CDC42: variants seen among roughly 807,000 people sequenced by gnomAD.
CDC42 encodes cell division cycle 42.
Under a neutral mutation model 20.8 loss-of-function variants are expected in CDC42, and 1 was observed. The observed-to-expected ratio is 0.05, with a 90% CI of 0.02 to 0.23. The LOEUF is 0.23. Among genes scored for constraint, CDC42 ranks in the 10% least tolerant of loss-of-function variants. The pLI, the probability that CDC42 is intolerant of heterozygous loss-of-function variation, is 1.00. For missense variants in CDC42, 49 were observed against 227.9 expected, an observed-to-expected ratio of 0.21 and a Z score of 5.05; for synonymous variants, 72 against 84.8, an observed-to-expected ratio of 0.85 and a Z score of 0.83.
intron 5 of CDC42, among the ~76,000 whole-genome samples, chr1:22,087,961 T>C (rs1194535228): frequency 1.3e-5 from 2 of 152,222 alleles, no homozygotes; most frequent in African/African-American, 2.4e-5. Flanking sequence ...TATGCTTAAC[T>C]GGGATATCCC....
At chr1:22,064,142 T>G (rs187050139) in intron 1 of CDC42, 18 of 152,212 alleles carry the variant, frequency 1.2e-4, no homozygotes, top group African/African-American at 4.1e-4. Flanking sequence ...AAGTATTTCC[T>G]TCTTTTTGGA....
intron 1 of CDC42, among the ~76,000 whole-genome samples, chr1:22,070,865 A>G (rs903922278): frequency 6.6e-6 from 1 of 152,078 alleles, no homozygotes; most frequent in African/African-American, 2.4e-5. Context: ...CAGCAGTAGG[A>G]TAGACACGTC....
chr1:22,071,818 A>G (rs1424689643), intron 1 of CDC42, among the ~76,000 whole-genome samples: 1 of 152,150 alleles, frequency 6.6e-6, no homozygotes, highest in Non-Finnish European at 1.5e-5. Context: ...AGGCAACTTT[A>G]CTTTTAGTGT....
At chr1:22,090,831 T>A in intron 5 of CDC42, 1 of 984,106 alleles carries the variant, frequency 1.0e-6, no homozygotes. Flanking sequence ...TTTATTCCTG[T>A]TGCACTGACT....
At chr1:22,061,340 G>A (rs1645360557) in intron 1 of CDC42, among the ~76,000 whole-genome samples, 3 of 150,834 alleles carry the variant, frequency 2.0e-5, no homozygotes, top group Non-Finnish European at 2.9e-5. Flanking sequence ...CCCGGGAGGT[G>A]GAGGTTTCAG....
intron 1 of CDC42, among the ~76,000 whole-genome samples, chr1:22,065,274 G>A (rs16826354): frequency 0.024 from 3,621 of 152,252 alleles, 59 homozygotes; most frequent in Non-Finnish European, 0.035. Context: ...AGGTTATTTC[G>A]TCTCTTAAAA....
chr1:22,081,624 A>T, intron 2 of CDC42, 98 bp from the exon 3 acceptor site: 1 of 739,842 alleles, frequency 1.4e-6, no homozygotes, highest in Non-Finnish European at 2.4e-6. Context: ...GGGACGATTA[A>T]GTCTTAGCAA....
intron 5 of CDC42, chr1:22,090,714 A>G (rs1645707287): frequency 2.0e-6 from 2 of 985,194 alleles, no homozygotes; most frequent in Non-Finnish European, 2.4e-6. Context: ...TGCCACCTTT[A>G]TATTTTCCTG....
chr1:22,057,729 T>C (rs1250560301), intron 1 of CDC42, among the ~76,000 whole-genome samples: 1 of 151,786 alleles, frequency 6.6e-6, no homozygotes, highest in Non-Finnish European at 1.5e-5. Flanking sequence ...CCTTTTTTTT[T>C]TCTTTTTTTT....
chr1:22,083,528 C>T (rs1645629656), intron 3 of CDC42, among the ~76,000 whole-genome samples: 2 of 152,026 alleles, frequency 1.3e-5, no homozygotes, highest in East Asian at 3.9e-4. Context: ...TTGCTTGAAC[C>T]CAGGGGGCGG....
intron 1 of CDC42, among the ~76,000 whole-genome samples, chr1:22,071,442 CAGTT>C (rs1645491466): frequency 6.6e-6 from 1 of 152,188 alleles, no homozygotes; most frequent in African/African-American, 2.4e-5. Flanking sequence ...GCAAACAAGA[CAGTT>C]TGTTAGCACA....
chr1:22,070,637 T>C (rs933982201), intron 1 of CDC42, among the ~76,000 whole-genome samples: 1 of 151,826 alleles, frequency 6.6e-6, no homozygotes, highest in African/African-American at 2.4e-5. Flanking sequence ...CTGATTTTTT[T>C]GTATTTTTAA....
Position 22,086,491 on chromosome 1 carries a change from A to G in CDC42, c.231A>G (p.Val77=), listed in dbSNP as rs529807426. ...CGCTGAGTTATCCACAAACAGATGTATTTCTAGTCTGTTTTTCAGTGGTCT... is the reference window on the plus strand; with the variant it reads ...CGCTGAGTTATCCACAAACAGATGTGTTTCTAGTCTGTTTTTCAGTGGTCT... ...LRPLSYPQTD[V]FLVCFSVVSP... is the part of the protein sequence containing the mutation. Residue 77 remains valine, a synonymous_variant, in exon 4 of 6, where the codon GTA becomes GTG. Transcript: ENST00000656825. 6.2e-6 allele frequency: 10 copies of G among 1,609,444 alleles called. No individual in the cohort carries two copies. The African/African-American group carries it at 1.2e-4, about 19-fold the overall frequency.
In CDC42 at chr1:22,096,271, C is replaced by T. The variant is rs953057570; in HGVS notation, c.*4754C>T. Among the ~76,000 whole-genome samples, 3 of 146,244 alleles carry T rather than the reference C, an allele frequency of 2.1e-5. No homozygotes were observed. The highest frequency in any genetic ancestry group is 7.7e-5 in the African/African-American group (3 of 38,986). On this transcript the variant is annotated 3_prime_UTR_variant, in exon 6 of 6. Transcript: ENST00000656825. ...ACTGCGCCCGGCCTATTCATTCATT[C>T]TTACAGTGAATTAGTAAATTCAACA... is the stretch of plus-strand genomic sequence containing the variant.
intron 1 of CDC42, chr1:22,053,509 GT>G (rs1487762204): frequency 5.3e-5 from 8 of 152,212 alleles, no homozygotes; most frequent in African/African-American, 1.4e-4. Flanking sequence ...CTTTCGGGGA[GT>G]TACCTAACTA....
rs1351890106 is a variant in CDC42, at chr1:22,096,836, T to C, written c.*5319T>C. Among the ~76,000 whole-genome samples the C allele has an allele frequency of 6.6e-6, 1 of 152,272 alleles. No individual in the cohort carries two copies. The highest frequency in any genetic ancestry group is 2.4e-5 in the African/African-American group (1 of 41,474). On this transcript the variant is annotated 3_prime_UTR_variant, in exon 6 of 6. Coordinates refer to ENST00000656825, the MANE Select transcript of CDC42 (RefSeq NM_001791.4). The stretch of plus-strand genomic sequence containing the variant: ...AGCAAGGCATTTGGTTGCTACCTGC[T>C]AGAACTGTTACAGTAAATACACAGA...
At position 22,098,027 on chromosome 1, in the gene CDC42, T is replaced by C. The variant is rs1645768515; in HGVS notation, c.*6510T>C. Among the ~76,000 whole-genome samples, 1 of 152,162 alleles carries C rather than the reference T, an allele frequency of 6.6e-6. No homozygotes were observed. Among genetic ancestry groups the C allele is most frequent in the African/African-American group, 2.4e-5 (1 of 41,432 alleles). On this transcript the variant is annotated 3_prime_UTR_variant, in exon 6 of 6. Coordinates refer to ENST00000656825, the MANE Select transcript of CDC42 (RefSeq NM_001791.4). Reference sequence around the variant, plus strand: ...AGAGCACAGGATCATAACTGTTCTGTTTGCTCTGATGCGTCCCGCAGAGCA... The same window carrying C: ...AGAGCACAGGATCATAACTGTTCTGCTTGCTCTGATGCGTCCCGCAGAGCA...
chr1:22,063,845 C>T (rs866527645), intron 1 of CDC42, among the ~76,000 whole-genome samples: 2 of 151,958 alleles, frequency 1.3e-5, no homozygotes, highest in African/African-American at 4.8e-5. Flanking sequence ...CTCAGCCTCC[C>T]GAGTAGCTGG....
intron 3 of CDC42, among the ~76,000 whole-genome samples, chr1:22,082,867 C>T (rs1645622149): frequency 7.5e-6 from 1 of 133,764 alleles, no homozygotes; most frequent in Non-Finnish European, 1.5e-5. Flanking sequence ...TCCAAAGGCA[C>T]AGAGAAAATT....
Sources: allele counts gnomAD v4.1 joint callset (sites outside exome capture counted in the v4.1 genomes callset), GRCh38; gene constraint gnomAD v4.1.1; transcripts MANE v1.5; gene names NCBI Gene and HGNC (gene_info 2026-07-23, HGNC 2026-07-21).